The following SLC24A2 variants were observed in gnomAD, a reference collection of about 807,000 sequenced individuals.
SLC24A2 encodes sodium/potassium/calcium exchanger 2.
Under a neutral mutation model 62.0 loss-of-function variants are expected in SLC24A2, and 36 were observed. The observed-to-expected ratio is 0.58, with a 90% confidence interval of 0.44 to 0.77. The LOEUF (loss-of-function observed/expected upper bound fraction) is 0.77, where lower values mean the gene tolerates loss of function less well. SLC24A2 is among the 30% of genes least tolerant of loss of function. The pLI is 0.00. For synonymous variants in SLC24A2, 358 were observed against 294.0 expected, an observed-to-expected ratio of 1.22 and a Z score of -2.23; for missense variants, 846 against 817.9, an observed-to-expected ratio of 1.03 and a Z score of -0.42.
At chr9:20,151,161 A>C in the SLC24A2 span, among the ~76,000 whole-genome samples, 2 of 151,934 alleles carry the variant, frequency 1.3e-5, no homozygotes, top group Non-Finnish European at 2.9e-5. Flanking sequence ...CACCCCAAGA[A>C]AATGATTCAT....
intron 2 of SLC24A2, among the ~76,000 whole-genome samples, chr9:19,761,603 G>C (rs928255778): frequency 9.9e-5 from 15 of 151,906 alleles, no homozygotes; most frequent in African/African-American, 3.1e-4. Flanking sequence ...TTTGGCATTA[G>C]GTATATCTCC....
intron 2 of SLC24A2, among the ~76,000 whole-genome samples, chr9:19,674,430 A>G (rs972964705): frequency 4.6e-5 from 7 of 152,176 alleles, no homozygotes; most frequent in Admixed American, 4.6e-4. Context: ...AGGCCGGGGA[A>G]GTTTTCCTTG....
chr9:19,824,211 G>C, the SLC24A2 span, among the ~76,000 whole-genome samples: 1 of 152,144 alleles, frequency 6.6e-6, no homozygotes, highest in Non-Finnish European at 1.5e-5. Context: ...CAGAGCAAAA[G>C]AAACTATCAT....
At chr9:20,168,240 G>T in the SLC24A2 span, among the ~76,000 whole-genome samples, 2 of 151,980 alleles carry the variant, frequency 1.3e-5, no homozygotes, top group African/African-American at 4.8e-5. Context: ...TAGTCAATCT[G>T]ATAAAGAGTA....
chr9:19,761,676 C>G (rs941199107), intron 2 of SLC24A2, among the ~76,000 whole-genome samples: 1 of 151,936 alleles, frequency 6.6e-6, no homozygotes, highest in African/African-American at 2.4e-5. Flanking sequence ...GCTCCCCTTC[C>G]TATGTCCACG....
chr9:19,998,613 C>A, the SLC24A2 span, among the ~76,000 whole-genome samples: 2 of 152,214 alleles, frequency 1.3e-5, no homozygotes, highest in Non-Finnish European at 2.9e-5. Context: ...CTATGACCAC[C>A]CCTCTTCTCC....
chr9:19,619,776 G>A (rs2117893445), intron 3 of SLC24A2, 84 bp from the exon 4 acceptor site: 1 of 1,012,322 alleles, frequency 9.9e-7, no homozygotes, highest in East Asian at 2.4e-5. Flanking sequence ...TAGTCTGGTG[G>A]CCACTCATTT....
the SLC24A2 span, among the ~76,000 whole-genome samples, chr9:20,304,409 A>C: frequency 2.0e-5 from 3 of 152,354 alleles, 1 homozygote; most frequent in African/African-American, 7.2e-5. Flanking sequence ...TGTAATAAAC[A>C]CATTTTCAAA....
the SLC24A2 span, among the ~76,000 whole-genome samples, chr9:19,916,981 GTTTTTTTTT>G: frequency 1.3e-3 from 94 of 72,016 alleles, 1 homozygote; most frequent in Middle Eastern, 0.045. Flanking sequence ...TAACTTACCT[GTTTTTTTTT>G]TTTTTTTTTT....
chr9:19,873,863 G>A, the SLC24A2 span, among the ~76,000 whole-genome samples: 7 of 151,984 alleles, frequency 4.6e-5, no homozygotes, highest in African/African-American at 1.2e-4. Context: ...AAATCATCAC[G>A]TCTCAATAGC....
intron 2 of SLC24A2, among the ~76,000 whole-genome samples, chr9:19,741,928 A>C (rs1177867750): frequency 6.6e-6 from 1 of 152,228 alleles, no homozygotes; most frequent in Non-Finnish European, 1.5e-5. Context: ...ACTATTGAAA[A>C]TTAAATAATT....
At chr9:19,823,600 GCCT>G in the SLC24A2 span, among the ~76,000 whole-genome samples, 63 of 151,736 alleles carry the variant, frequency 4.2e-4, no homozygotes, top group African/African-American at 1.5e-3. Flanking sequence ...CTGCACTCCA[GCCT>G]GGCAATAGAG....
the SLC24A2 span, among the ~76,000 whole-genome samples, chr9:19,904,094 G>T: frequency 5.5e-4 from 83 of 152,262 alleles, 1 homozygote; most frequent in African/African-American, 1.9e-3. Context: ...GCAAAGACCT[G>T]CCAGGACCTG....
chr9:19,934,694 C>G, the SLC24A2 span, among the ~76,000 whole-genome samples: 2 of 152,212 alleles, frequency 1.3e-5, no homozygotes, highest in Admixed American at 1.3e-4. The surrounding 1 kb of genome is among the most constrained non-coding windows in gnomAD (Gnocchi z 4.1). Context: ...CGGCGAAGAG[C>G]TTTCCGAGAG....
chr9:19,867,567 C>T, the SLC24A2 span, among the ~76,000 whole-genome samples: 6 of 152,150 alleles, frequency 3.9e-5, no homozygotes, highest in East Asian at 1.2e-3. Context: ...GGTCCTTCCT[C>T]TTATCTTGGT....
chr9:20,005,254 A>G, the SLC24A2 span, among the ~76,000 whole-genome samples: 1 of 152,182 alleles, frequency 6.6e-6, no homozygotes, highest in Non-Finnish European at 1.5e-5. Context: ...CATTTGAACA[A>G]ATTGTTGGAC....
the SLC24A2 span, among the ~76,000 whole-genome samples, chr9:20,189,020 GC>G: frequency 6.6e-6 from 1 of 151,378 alleles, no homozygotes; most frequent in African/African-American, 2.4e-5. Flanking sequence ...GGTTACCCAA[GC>G]TAAACTCCCA....
upstream of SLC24A2, among the ~76,000 whole-genome samples, chr9:19,791,458 G>A (rs924348283): frequency 6.6e-6 from 1 of 152,210 alleles, no homozygotes; most frequent in African/African-American, 2.4e-5. Flanking sequence ...AAGGGAGAAG[G>A]GGGAGATAAA....
chr9:19,947,808 A>AAAAAAAAGAAAGAAAG, the SLC24A2 span, among the ~76,000 whole-genome samples: 5 of 59,228 alleles, frequency 8.4e-5, no homozygotes, highest in East Asian at 4.4e-4. Flanking sequence ...AAAAAAAAAA[A>AAAAAAAAGAAAGAAAG]AAAGAAAGAA....
Sources: allele counts gnomAD v4.1 joint callset (sites outside exome capture counted in the v4.1 genomes callset), GRCh38; gene constraint gnomAD v4.1.1; non-coding constraint Gnocchi (gnomAD v3.1); transcripts MANE v1.5; gene names NCBI Gene and HGNC (gene_info 2026-07-23, HGNC 2026-07-21).